The following DNAH6 variants were observed in gnomAD, a reference collection of about 807,000 sequenced individuals.
DNAH6 encodes the protein dynein axonemal heavy chain 6.
DNAH6 carries 340 observed loss-of-function variants against 491.4 expected under a neutral mutation model. The ratio of observed to expected loss-of-function variants is 0.69; its 90% confidence interval spans 0.63 to 0.76. The LOEUF (loss-of-function observed/expected upper bound fraction) is 0.76. DNAH6 is among the 30% of genes least tolerant of loss of function. The probability of loss-of-function intolerance (pLI) is 0.00; values close to 1 mark genes in which losing one functional copy is unlikely to be tolerated. For missense variants in DNAH6, 4,443 were observed against 4,972.2 expected (o/e 0.89, Z 3.20); for synonymous variants, 1,603 against 1,686.1 (o/e 0.95, Z 1.21).
At chr2:84,657,527 A>G (rs545310044) in intron 35 of DNAH6, among the ~76,000 whole-genome samples, 13 of 152,024 alleles carry the variant, frequency 8.6e-5, no homozygotes, top group Non-Finnish European at 1.8e-4. Context: ...AGCTTGTCTT[A>G]TATAGATCTA....
chr2:84,686,443 A>T, intron 43 of DNAH6, 41 bp from the exon 44 acceptor site: 1 of 1,117,372 alleles, frequency 8.9e-7, no homozygotes, highest in South Asian at 1.4e-5. Flanking sequence ...TCCATTCAAG[A>T]TTATCATTAT....
chr2:84,636,764 G>T (rs1351875765), intron 30 of DNAH6, among the ~76,000 whole-genome samples: 1 of 152,118 alleles, frequency 6.6e-6, no homozygotes, highest in African/African-American at 2.4e-5. Context: ...GGGTGTGCCT[G>T]TGGTCCCAGC....
the DNAH6 span, among the ~76,000 whole-genome samples, chr2:84,479,347 A>G: frequency 1.3e-5 from 2 of 152,136 alleles, no homozygotes; most frequent in Admixed American, 6.5e-5. Context: ...TCCTGTCTCT[A>G]CCACTCTCAT....
chr2:84,501,826 A>G, the DNAH6 span, among the ~76,000 whole-genome samples: 3 of 151,350 alleles, frequency 2.0e-5, no homozygotes, highest in South Asian at 4.2e-4. Context: ...AATTGGTCAT[A>G]GCAGCCACTA....
At position 84,611,844 on chromosome 2, in the gene DNAH6, T is replaced by C. The variant is rs1409047788; in HGVS notation, c.3465T>C (p.Ala1155=). 21 of 1,550,508 alleles carry C rather than the reference T, an allele frequency of 1.4e-5. No individual in the cohort carries two copies. Among genetic ancestry groups the C allele is most frequent in the Non-Finnish European group, 1.7e-5 (20 of 1,146,302 alleles). ...VNRLPNALRA[A]TQPGLLETFQ... is the part of the protein sequence containing the mutation. ...GGCTGCCTAATGCTCTTCGAGCCGC[T>C]ACTCAGCCAGGTATGAAACAAAATT... is the stretch of plus-strand genomic sequence containing the variant. The change falls in exon 22 of 77, where the codon GCT becomes GCC. Residue 1155 remains alanine, a synonymous_variant. Transcript: ENST00000389394.
intron 29 of DNAH6, 113 bp from the exon 30 acceptor site, chr2:84,634,391 T>C: frequency 8.9e-7 from 1 of 1,118,764 alleles, no homozygotes; most frequent in Non-Finnish European, 1.2e-6. Context: ...CATAAAACTA[T>C]TGCTTATTTG....
chr2:84,664,150 A>C (rs948291614), intron 37 of DNAH6, among the ~76,000 whole-genome samples: 3 of 152,224 alleles, frequency 2.0e-5, no homozygotes, highest in Non-Finnish European at 4.4e-5. Context: ...AAACATGCCA[A>C]ATAGTAAACA....
chr2:84,489,613 A>G, the DNAH6 span, among the ~76,000 whole-genome samples: 1 of 151,982 alleles, frequency 6.6e-6, no homozygotes, highest in South Asian at 2.1e-4. Flanking sequence ...TCTTTCTCTT[A>G]AAGAAGCTCT....
intron 40 of DNAH6, among the ~76,000 whole-genome samples, chr2:84,673,133 G>C (rs1195118668): frequency 6.6e-6 from 1 of 152,112 alleles, no homozygotes; most frequent in African/African-American, 2.4e-5. Flanking sequence ...GATGGATTCT[G>C]AAGGCATGCA....
chr2:84,623,411 T>C (rs914356255), intron 26 of DNAH6, among the ~76,000 whole-genome samples: 1 of 152,164 alleles, frequency 6.6e-6, no homozygotes, highest in Admixed American at 6.6e-5. Context: ...TACTACATTT[T>C]TAAAGAGTCA....
intron 29 of DNAH6, among the ~76,000 whole-genome samples, chr2:84,627,473 C>T (rs542785841): frequency 6.6e-6 from 1 of 152,228 alleles, no homozygotes; most frequent in East Asian, 1.9e-4. Flanking sequence ...GAAGGCCTCA[C>T]TTCATTGTAT....
rs1695706960 is a variant in DNAH6, at chr2:84,699,659, T to G, written c.7743T>G (p.Val2581=). 2 of 1,551,828 alleles carry G rather than the reference T, an allele frequency of 1.3e-6. No homozygotes were observed. The highest frequency in any genetic ancestry group is 2.7e-5 in the African/African-American group (2 of 73,190). The change falls in exon 48 of 77, where the codon GTT becomes GTG. Residue 2581 remains valine, a synonymous_variant. Transcript: ENST00000389394. ...KLHIVLCMSP[V]GEAFRSRCRM... ...ACATTGTTCTCTGCATGAGCCCAGT[T>G]GGGGAGGCCTTTCGGTCCCGATGCA... is the stretch of plus-strand genomic sequence containing the variant.
At chr2:84,620,397 C>T (rs534294872) in intron 24 of DNAH6, among the ~76,000 whole-genome samples, 1 of 152,284 alleles carries the variant, frequency 6.6e-6, no homozygotes, top group Admixed American at 6.5e-5. Flanking sequence ...CTCCAGGGCA[C>T]TGCACAGCCC....
At chr2:84,717,740 G>A (rs563660939) in intron 58 of DNAH6, among the ~76,000 whole-genome samples, 1 of 152,328 alleles carries the variant, frequency 6.6e-6, no homozygotes, top group Admixed American at 6.5e-5. Flanking sequence ...GGTGAAGCTG[G>A]AGGTAAGGCT....
rs1260554341 is a variant in DNAH6, at chr2:84,703,460, G to A, written c.8127G>A (p.Met2709Ile). Residue 2709 changes from methionine to isoleucine, a missense_variant, in exon 50 of 77, where the codon ATG becomes ATA. Around this residue, in one of 3 missense-constraint regions of DNAH6, gnomAD observed 2,977 missense variants for 3,296.6 expected, o/e 0.90. Coordinates refer to ENST00000389394, the MANE Select transcript of DNAH6 (RefSeq NM_001370.2). ...AAACAAACATACTAGTAGATAAAAT[G>A]AAACTAGATCTTTCAGCTTTAGAGC... The part of the protein sequence containing the change: ...LLETNILVDK[M>I]KLDLSALEPV... The A allele has an allele frequency of 6.5e-7, 1 of 1,550,046 alleles. No individual in the cohort carries two copies. Among genetic ancestry groups the A allele is most frequent in the Non-Finnish European group, 8.7e-7 (1 of 1,146,086 alleles).
At chr2:84,760,505 A>C (rs959351566) in intron 63 of DNAH6, among the ~76,000 whole-genome samples, 2 of 152,212 alleles carry the variant, frequency 1.3e-5, no homozygotes, top group African/African-American at 4.8e-5. Context: ...AAGGGACATA[A>C]ATAGACATTT....
intron 56 of DNAH6, among the ~76,000 whole-genome samples, chr2:84,710,738 C>T (rs543098157): frequency 2.6e-5 from 4 of 151,904 alleles, no homozygotes; most frequent in Non-Finnish European, 5.9e-5. Flanking sequence ...GGATTATGTA[C>T]ATACAATAAT....
At chr2:84,562,023 A>C (rs930209323) in intron 11 of DNAH6, among the ~76,000 whole-genome samples, 2 of 152,196 alleles carry the variant, frequency 1.3e-5, no homozygotes, top group Admixed American at 1.3e-4. Flanking sequence ...TAGATACAAG[A>C]ATAGGAAACT....
At position 84,694,302 on chromosome 2, in the gene DNAH6, G is replaced by C. The variant is rs1190655111; in HGVS notation, c.7346G>C (p.Gly2449Ala). ...ERGNALLVGV[G>A]GTGKQSLTRL... ...GGCAATGCCCTGCTTGTTGGAGTAG[G>C]AGGCACAGGAAAGCAGTCACTCACG... is the stretch of plus-strand genomic sequence containing the variant. The change falls in exon 46 of 77, where the codon GGA becomes GCA. Residue 2449 changes from glycine to alanine, a missense_variant. By Grantham distance (60) the Gly-to-Ala change is moderately conservative (BLOSUM62 0). Transcript: ENST00000389394. 1 of 1,552,146 alleles carries C rather than the reference G, an allele frequency of 6.4e-7. No individual in the cohort carries two copies.
Sources: gnomAD v4.1 joint callset for allele counts (sites outside exome capture counted in the v4.1 genomes callset) on GRCh38, gnomAD v4.1.1 for gene constraint, gnomAD v4.1.1 regional missense constraint, MANE v1.5 for transcripts, NCBI Gene and HGNC (gene_info 2026-07-23, HGNC 2026-07-21) for gene names.